Variants in ARHGEF12 observed in about 807,000 individuals in gnomAD.
The protein encoded by ARHGEF12 is Rho guanine nucleotide exchange factor 12, also known as KMT2A/ARHGEF12 fusion protein.
Under a neutral mutation model 211.2 loss-of-function variants are expected in ARHGEF12, and 66 were observed. The observed-to-expected ratio is 0.31, with a 90% CI of 0.26 to 0.38. ARHGEF12 has a LOEUF of 0.38. Among genes scored for constraint, ARHGEF12 ranks in the 10% least tolerant of loss-of-function variants. The pLI is 1.00. For synonymous variants in ARHGEF12, 592 were observed against 638.4 expected (o/e 0.93, Z 1.09); for missense variants, 1,429 against 1,869.5 (o/e 0.76, Z 4.34).
At chr11:120,368,349 C>G (rs992788948) in intron 1 of ARHGEF12, among the ~76,000 whole-genome samples, 1 of 152,130 alleles carries the variant, frequency 6.6e-6, no homozygotes, top group Non-Finnish European at 1.5e-5. Context: ...CCCTATGTTG[C>G]CGAGGCTGGT....
intron 21 of ARHGEF12, chr11:120,450,461 T>C (rs1946176386): frequency 6.7e-6 from 1 of 150,124 alleles, no homozygotes; most frequent in Non-Finnish European, 1.5e-5. Context: ...TGACGAGTTC[T>C]CCCTCAAATG....
In ARHGEF12 at chr11:120,409,450, G is replaced by A. The variant is rs1286208209; in HGVS notation, c.199G>A (p.Gly67Ser). The stretch of plus-strand genomic sequence containing the variant: ...AGAGGAGAGTAGATCCGAGATATAT[G>A]GTAAGCTAATGTAGCTAATTCAGCC... ...SSEESRSEIY[G>S]LVQRCVIIQK... is the part of the protein sequence containing the mutation. The change falls in exon 4 of 41, where the codon GGT becomes AGT. Residue 67 changes from glycine (G) to serine (S), a missense_variant and splice_region_variant. Physicochemically the swap from Gly to Ser is moderately conservative, Grantham distance 56. Around this residue, in one of 7 missense-constraint regions of ARHGEF12, gnomAD observed 60 missense variants for 121.0 expected, o/e 0.50. Coordinates refer to ENST00000397843, the MANE Select transcript of ARHGEF12 (RefSeq NM_015313.3). The A allele has an allele frequency of 6.2e-7, 1 of 1,613,612 alleles. No individual in the cohort carries two copies. The highest frequency in any genetic ancestry group is 1.1e-5 in the South Asian group (1 of 90,952).
chr11:120,437,666 C>G (rs1300903803), intron 12 of ARHGEF12, among the ~76,000 whole-genome samples: 2 of 152,016 alleles, frequency 1.3e-5, no homozygotes, highest in Non-Finnish European at 2.9e-5. Context: ...CATTGTTGTG[C>G]GACCATCACT....
intron 29 of ARHGEF12, among the ~76,000 whole-genome samples, 163 bp downstream of exon 29, chr11:120,467,471 C>T (rs150223275): frequency 1.3e-3 from 185 of 137,606 alleles, no homozygotes; most frequent in African/African-American, 4.5e-3. Flanking sequence ...GAGACAGGGT[C>T]TCACTCAGTC....
At chr11:120,460,970 T>C (rs1418980883) in intron 27 of ARHGEF12, among the ~76,000 whole-genome samples, 2 of 152,210 alleles carry the variant, frequency 1.3e-5, no homozygotes, top group South Asian at 2.1e-4. Context: ...AGTCATACCA[T>C]GAGATTGCAG....
chr11:120,348,234 GT>G (rs1466555850), intron 1 of ARHGEF12, among the ~76,000 whole-genome samples: 8 of 152,104 alleles, frequency 5.3e-5, no homozygotes, highest in African/African-American at 1.9e-4. Flanking sequence ...GTTGATTCTG[GT>G]TTTGGTTACT....
intron 1 of ARHGEF12, among the ~76,000 whole-genome samples, chr11:120,363,618 A>G (rs143672840): frequency 2.0e-4 from 31 of 152,338 alleles, no homozygotes; most frequent in African/African-American, 7.0e-4. Context: ...AATCATGAAG[A>G]TAGTATTTTA....
intron 1 of ARHGEF12, among the ~76,000 whole-genome samples, chr11:120,378,208 T>C (rs969543580): frequency 1.3e-5 from 2 of 152,254 alleles, no homozygotes; most frequent in Non-Finnish European, 2.9e-5. Flanking sequence ...ATTTTAGTCA[T>C]TGTAGTGGGT....
intron 1 of ARHGEF12, among the ~76,000 whole-genome samples, chr11:120,368,592 G>T (rs1262070813): frequency 6.6e-6 from 1 of 152,200 alleles, no homozygotes; most frequent in African/African-American, 2.4e-5. Context: ...TTAAGGTTCA[G>T]TGACTTTCCA....
chr11:120,445,083 A>G (rs956551013), intron 15 of ARHGEF12, among the ~76,000 whole-genome samples: 1 of 152,218 alleles, frequency 6.6e-6, no homozygotes, highest in South Asian at 2.1e-4. Flanking sequence ...ACCTATATTG[A>G]TCTAAATGAC....
chr11:120,447,810 T>C (rs12418151), intron 18 of ARHGEF12, 64 bp from the exon 19 acceptor site: 1 of 1,197,664 alleles, frequency 8.3e-7, no homozygotes, highest in Non-Finnish European at 1.2e-6. Flanking sequence ...AGTGAGACTC[T>C]GTCTCAAAAA....
chr11:120,453,884 C>T (rs1237945831), intron 22 of ARHGEF12, among the ~76,000 whole-genome samples: 1 of 152,112 alleles, frequency 6.6e-6, no homozygotes, highest in Admixed American at 6.5e-5. Flanking sequence ...AGAAAAAGAG[C>T]AAAAATGATG....
rs765541684 is a variant in ARHGEF12, at chr11:120,480,071, C to A, written c.3878C>A (p.Thr1293Lys). ...RYRTASQGPQTDSVIQNSENI... is the reference protein window; with the variant it reads ...RYRTASQGPQKDSVIQNSENI... ...AGAACAGCCTCTCAGGGGCCGCAGA[C>A]AGACAGTGTCATCCAGAACTCTGAA... is the stretch of plus-strand genomic sequence containing the variant. Residue 1293 changes from threonine (T) to lysine (K), a missense_variant, in exon 38 of 41, where the codon ACA becomes AAA. Physicochemically the swap from Thr to Lys is moderately conservative, Grantham distance 78. Around this residue, in one of 7 missense-constraint regions of ARHGEF12, gnomAD observed 467 missense variants for 468.4 expected, o/e 1.00. Coordinates refer to ENST00000397843, the MANE Select transcript of ARHGEF12 (RefSeq NM_015313.3). 22 of 1,614,204 alleles carry A rather than the reference C, an allele frequency of 1.4e-5. No individual in the cohort carries two copies. Among genetic ancestry groups the A allele is most frequent in the Non-Finnish European group, 1.9e-5 (22 of 1,180,032 alleles).
chr11:120,474,721 A>G, intron 32 of ARHGEF12, 86 bp downstream of exon 32: 1 of 1,024,368 alleles, frequency 9.8e-7, no homozygotes, highest in East Asian at 2.4e-5. Context: ...GGAAGAGGAG[A>G]GAACCATTCT....
intron 29 of ARHGEF12, among the ~76,000 whole-genome samples, chr11:120,467,863 T>C (rs1946754311): frequency 1.3e-5 from 2 of 152,342 alleles, no homozygotes; most frequent in African/African-American, 4.8e-5. Context: ...TGTCTGTTTT[T>C]GTAAATAAAG....
intron 1 of ARHGEF12, among the ~76,000 whole-genome samples, chr11:120,381,539 C>T (rs1038218834): frequency 2.0e-5 from 3 of 152,162 alleles, no homozygotes; most frequent in African/African-American, 7.2e-5. Context: ...AGGTAAGCTC[C>T]TTTTTCACCG....
chr11:120,441,378 G>A (rs1945862269), intron 13 of ARHGEF12, among the ~76,000 whole-genome samples: 1 of 151,930 alleles, frequency 6.6e-6, no homozygotes, highest in Non-Finnish European at 1.5e-5. Context: ...TTTATGATTG[G>A]GCAAAAAGCC....
At chr11:120,442,346 C>CTTT in intron 15 of ARHGEF12, 144 bp downstream of exon 15, 1 of 425,936 alleles carries the variant, frequency 2.3e-6, no homozygotes, top group Non-Finnish European at 3.9e-6. Context: ...TTACTCTAGA[C>CTTT]TTTTTTTTTT....
chr11:120,393,488 GTGCCC>G (rs1430311264), intron 1 of ARHGEF12, among the ~76,000 whole-genome samples: 1 of 152,110 alleles, frequency 6.6e-6, no homozygotes, highest in Non-Finnish European at 1.5e-5. Flanking sequence ...GGAAGAAGAT[GTGCCC>G]TGCTAATCTA....
Sources: allele counts gnomAD v4.1 joint callset (sites outside exome capture counted in the v4.1 genomes callset), GRCh38; gene constraint gnomAD v4.1.1; regional missense constraint gnomAD v4.1.1; transcripts MANE v1.5; gene names NCBI Gene and HGNC (gene_info 2026-07-23, HGNC 2026-07-21).